The following TCF7L2 variants were observed in gnomAD, a reference collection of about 807,000 sequenced individuals.
The protein encoded by TCF7L2 is transcription factor 7 like 2.
TCF7L2 carries 23 observed loss-of-function variants against 77.9 expected under a neutral mutation model. The observed-to-expected ratio is 0.30, with a 90% confidence interval of 0.21 to 0.42. The LOEUF is 0.42. Among genes scored for constraint, TCF7L2 ranks in the 10% least tolerant of loss-of-function variants. The probability of loss-of-function intolerance (pLI) is 1.00; values close to 1 mark genes in which losing one functional copy is unlikely to be tolerated. For synonymous variants in TCF7L2, 413 were observed against 340.2 expected (o/e 1.21, Z -2.36); for missense variants, 654 against 793.1 (o/e 0.82, Z 2.11).
At chr10:113,086,570 G>A (rs2059857522) in intron 5 of TCF7L2, among the ~76,000 whole-genome samples, 1 of 152,212 alleles carries the variant, frequency 6.6e-6, no homozygotes, top group African/African-American at 2.4e-5. Flanking sequence ...CTGAAGCTGG[G>A]GGTGGGGTTC....
chr10:113,153,037 G>A (rs777000787), intron 11 of TCF7L2, among the ~76,000 whole-genome samples: 1 of 152,202 alleles, frequency 6.6e-6, no homozygotes, highest in Admixed American at 6.5e-5. Context: ...TGCATGAACC[G>A]ACTCTGGCCC....
intron 4 of TCF7L2, among the ~76,000 whole-genome samples, chr10:112,974,601 C>T (rs2135017614): frequency 1.3e-5 from 2 of 152,174 alleles, no homozygotes; most frequent in South Asian, 4.1e-4. Flanking sequence ...TGCCACCATG[C>T]CTGGCTAATT....
In TCF7L2 at chr10:113,055,329, C is replaced by T. The variant is rs74422050; in HGVS notation, c.552+15203C>T. 9.1e-3 allele frequency among the ~76,000 whole-genome samples: 1,392 copies of T among 152,270 alleles called. 16 individuals are homozygous for T. Among genetic ancestry groups the T allele is most frequent in the Non-Finnish European group, 0.014 (983 of 68,028 alleles). ...TTTTGCCAATTTGCTGGGTATGCAACGGCATCTTACCTAATTTGCCTTTAT... is the reference window on the plus strand; with the variant it reads ...TTTTGCCAATTTGCTGGGTATGCAATGGCATCTTACCTAATTTGCCTTTAT... On this transcript the variant is annotated intron_variant, in intron 5 of 13. Coordinates refer to ENST00000627217, the MANE Select transcript of TCF7L2 (RefSeq NM_001146274.2).
intron 7 of TCF7L2, among the ~76,000 whole-genome samples, chr10:113,145,586 G>A (rs995266553): frequency 2.0e-5 from 3 of 151,944 alleles, no homozygotes; most frequent in East Asian, 1.9e-4. Flanking sequence ...TCTAAATACC[G>A]AAAGAGGCCC....
intron 5 of TCF7L2, among the ~76,000 whole-genome samples, chr10:113,053,057 G>A (rs2054741775): frequency 6.6e-6 from 1 of 152,160 alleles, no homozygotes; most frequent in African/African-American, 2.4e-5. Context: ...AGCCTGGCGT[G>A]GGACACAGGC....
At chr10:113,023,795 A>G (rs1257365826) in intron 4 of TCF7L2, among the ~76,000 whole-genome samples, 1 of 152,028 alleles carries the variant, frequency 6.6e-6, no homozygotes, top group Non-Finnish European at 1.5e-5. Flanking sequence ...CAGCCTCCCA[A>G]GTAGCTGGGA....
chr10:113,019,242 T>G (rs2047880672), intron 4 of TCF7L2, among the ~76,000 whole-genome samples: 3 of 152,150 alleles, frequency 2.0e-5, no homozygotes, highest in South Asian at 2.1e-4. Flanking sequence ...AACCCCGGCG[T>G]GGTTGAGGCT....
intron 5 of TCF7L2, among the ~76,000 whole-genome samples, chr10:113,091,798 CTA>C (rs2060436217): frequency 2.0e-5 from 3 of 152,152 alleles, no homozygotes; most frequent in Admixed American, 2.0e-4. Context: ...TGGGCCACGC[CTA>C]TGTCTTGATT....
At chr10:113,161,420 C>G in intron 13 of TCF7L2, 1 of 723,316 alleles carries the variant, frequency 1.4e-6, no homozygotes, top group Non-Finnish European at 2.4e-6. Flanking sequence ...AATTAAGCAC[C>G]CATGTTCCAC....
chr10:113,108,593 C>T (rs11196230), intron 5 of TCF7L2, among the ~76,000 whole-genome samples: 3,752 of 152,170 alleles, frequency 0.025, 163 homozygotes, highest in African/African-American at 0.086. Flanking sequence ...TTGCATTATC[C>T]CTGAGGAACC....
At chr10:113,135,207 G>C (rs758858422) in intron 5 of TCF7L2, among the ~76,000 whole-genome samples, 3 of 152,204 alleles carry the variant, frequency 2.0e-5, no homozygotes, top group African/African-American at 7.2e-5. Context: ...GGCGCTTGGC[G>C]ATGAGGGTGG....
intron 5 of TCF7L2, among the ~76,000 whole-genome samples, chr10:113,123,325 C>G (rs1265187289): frequency 6.6e-6 from 1 of 152,216 alleles, no homozygotes; most frequent in Non-Finnish European, 1.5e-5. Context: ...AAGACAGGCT[C>G]TGGCCAGGAA....
chr10:112,991,740 A>G (rs927630209), intron 4 of TCF7L2, among the ~76,000 whole-genome samples: 1 of 152,120 alleles, frequency 6.6e-6, no homozygotes, highest in Non-Finnish European at 1.5e-5. Flanking sequence ...CGGTCTGTTC[A>G]GCTGTAGCTG....
At chr10:113,101,030 G>A (rs1009382932) in intron 5 of TCF7L2, among the ~76,000 whole-genome samples, 2 of 152,060 alleles carry the variant, frequency 1.3e-5, no homozygotes, top group African/African-American at 2.4e-5. Flanking sequence ...AGCTGAGATC[G>A]CGCCATTGCA....
chr10:113,052,850 T>G (rs1460020577), intron 5 of TCF7L2, among the ~76,000 whole-genome samples: 2 of 152,218 alleles, frequency 1.3e-5, no homozygotes, highest in African/African-American at 4.8e-5. Context: ...CACCTTTCTA[T>G]TAGACATTGC....
intron 3 of TCF7L2, 115 bp downstream of exon 3, chr10:112,951,722 CCCTCCCT>C: frequency 2.5e-6 from 1 of 397,216 alleles, no homozygotes. Context: ...CCGCCTCCTC[CCCTCCCT>C]CCCTCCCCTC....
At chr10:112,966,157 A>G (rs914550144) in intron 4 of TCF7L2, among the ~76,000 whole-genome samples, 10 of 130,930 alleles carry the variant, frequency 7.6e-5, no homozygotes, top group Admixed American at 2.3e-4. Context: ...CCTGGGTGAC[A>G]AGAGTGAGAC....
chr10:112,961,736 C>G (rs1032607694), intron 3 of TCF7L2, among the ~76,000 whole-genome samples: 4 of 149,588 alleles, frequency 2.7e-5, no homozygotes, highest in Non-Finnish European at 5.9e-5. Context: ...AAAGATCTGA[C>G]TTAGACACAG....
At chr10:112,971,776 C>T (rs2038309164) in intron 4 of TCF7L2, among the ~76,000 whole-genome samples, 1 of 150,602 alleles carries the variant, frequency 6.6e-6, no homozygotes. Context: ...CCACACCCAG[C>T]TAAGTTTTGT....
Sources: gnomAD v4.1 joint callset for allele counts (sites outside exome capture counted in the v4.1 genomes callset) on GRCh38, gnomAD v4.1.1 for gene constraint, MANE v1.5 for transcripts, NCBI Gene and HGNC (gene_info 2026-07-23, HGNC 2026-07-21) for gene names.